DSCAM: variants seen among roughly 807,000 people sequenced by gnomAD.
DSCAM encodes the protein cell adhesion molecule DSCAM.
A neutral mutation model predicts 217.7 loss-of-function variants in DSCAM; 47 were observed. The observed-to-expected ratio is 0.22, with a 90% CI of 0.17 to 0.28. The LOEUF is 0.28. Ranked by LOEUF, DSCAM falls within the 10% of genes least tolerant of loss-of-function variation. The pLI, the probability that DSCAM is intolerant of heterozygous loss-of-function variation, is 1.00. For missense variants in DSCAM, 2,080 were observed against 2,618.3 expected (o/e 0.79, Z 4.49); for synonymous variants, 1,056 against 1,015.3 (o/e 1.04, Z -0.76).
intron 1 of DSCAM, among the ~76,000 whole-genome samples, chr21:40,782,543 T>C (rs73224258): frequency 0.027 from 4,170 of 152,090 alleles, 84 homozygotes; most frequent in Middle Eastern, 0.051. Flanking sequence ...GTCTGGGCAA[T>C]GCGGTGAAGT....
chr21:40,377,882 T>A (rs1243269444), intron 3 of DSCAM, among the ~76,000 whole-genome samples: 1 of 152,182 alleles, frequency 6.6e-6, no homozygotes, highest in Non-Finnish European at 1.5e-5. Flanking sequence ...CTTGAGTACA[T>A]ATACAACCTG....
At chr21:40,537,861 T>C (rs1209491105) in intron 3 of DSCAM, among the ~76,000 whole-genome samples, 1 of 152,168 alleles carries the variant, frequency 6.6e-6, no homozygotes, top group Non-Finnish European at 1.5e-5. Context: ...TGGCTGTACT[T>C]CCTTACAGCA....
intron 3 of DSCAM, among the ~76,000 whole-genome samples, chr21:40,645,478 A>G (rs758827657): frequency 1.3e-5 from 2 of 152,214 alleles, no homozygotes; most frequent in African/African-American, 2.4e-5. Context: ...GAACTGATCC[A>G]TATTTGTGGA....
chr21:40,017,947 T>C (rs2088194029), intron 32 of DSCAM, among the ~76,000 whole-genome samples: 1 of 152,248 alleles, frequency 6.6e-6, no homozygotes, highest in Non-Finnish European at 1.5e-5. Flanking sequence ...TAGAAAAATA[T>C]AATGGCATGA....
At chr21:40,616,436 G>A (rs1223004662) in intron 3 of DSCAM, among the ~76,000 whole-genome samples, 1 of 152,146 alleles carries the variant, frequency 6.6e-6, no homozygotes, top group Non-Finnish European at 1.5e-5. Context: ...CTGGAAATAG[G>A]TGCCTGTGTG....
At chr21:40,471,723 G>C (rs1207300648) in intron 3 of DSCAM, among the ~76,000 whole-genome samples, 2 of 152,134 alleles carry the variant, frequency 1.3e-5, no homozygotes, top group East Asian at 3.9e-4. Context: ...ACTTAGGAGT[G>C]ATCTGCTCTA....
chr21:40,698,298 T>C (rs1240516681), intron 2 of DSCAM, among the ~76,000 whole-genome samples: 1 of 152,156 alleles, frequency 6.6e-6, no homozygotes, highest in Non-Finnish European at 1.5e-5. Flanking sequence ...CTCATGCACC[T>C]AGAAGGTCAC....
rs551775818 is a variant in DSCAM, at chr21:40,735,410, C to A, written c.44-26639G>T. 2.0e-5 allele frequency among the ~76,000 whole-genome samples: 3 copies of A among 152,324 alleles called. No individual in the cohort carries two copies. The South Asian group carries it at 6.2e-4, about 32-fold the overall frequency. On this transcript the variant is annotated intron_variant, in intron 1 of 32. Coordinates refer to ENST00000400454, the MANE Select transcript of DSCAM (RefSeq NM_001389.5). ...GTGTTTAAAACACACTTGCTTTCAT[C>A]TGAAATGAGTGTGTGCATGTTTTAG...
At chr21:40,386,613 T>C (rs2075088310) in intron 3 of DSCAM, among the ~76,000 whole-genome samples, 1 of 152,230 alleles carries the variant, frequency 6.6e-6, no homozygotes, top group African/African-American at 2.4e-5. Flanking sequence ...CCCGTGGATC[T>C]GGCACCACCT....
Position 40,332,387 on chromosome 21 carries a change from T to C in DSCAM, c.1783+5714A>G, listed in dbSNP as rs541290417. 1.4e-4 allele frequency among the ~76,000 whole-genome samples: 21 copies of C among 152,344 alleles called. No individual in the cohort carries two copies. The South Asian group carries it at 4.1e-3, about 30-fold the overall frequency. ...ACTGTGCGCAGCCTCATCTCTCTTC[T>C]ATTCTTTCCCTGATTATGCTTTATC... is the stretch of plus-strand genomic sequence containing the variant. On this transcript the variant is annotated intron_variant, in intron 8 of 32. Coordinates refer to ENST00000400454, the MANE Select transcript of DSCAM (RefSeq NM_001389.5).
intron 3 of DSCAM, among the ~76,000 whole-genome samples, chr21:40,668,474 T>C (rs1568973578): frequency 2.0e-5 from 3 of 152,146 alleles, no homozygotes; most frequent in Non-Finnish European, 2.9e-5. Context: ...TTTGTAAAAA[T>C]CCACCCAGGG....
At chr21:40,679,457 C>T (rs1023996853) in intron 3 of DSCAM, among the ~76,000 whole-genome samples, 65 of 152,208 alleles carry the variant, frequency 4.3e-4, no homozygotes, top group African/African-American at 1.4e-3. Context: ...GAAGCTCTCT[C>T]TGCCTCAGCC....
chr21:40,444,491 T>C (rs759768875), intron 3 of DSCAM, among the ~76,000 whole-genome samples: 2 of 152,194 alleles, frequency 1.3e-5, no homozygotes, highest in Non-Finnish European at 2.9e-5. Context: ...CGGTTGAGCA[T>C]AGCCAATATC....
intron 3 of DSCAM, among the ~76,000 whole-genome samples, chr21:40,397,269 G>A (rs1164250212): frequency 6.6e-6 from 1 of 152,104 alleles, no homozygotes; most frequent in Non-Finnish European, 1.5e-5. Flanking sequence ...CTGGTGGGAG[G>A]TGATTGGATC....
chr21:40,244,393 G>A (rs1246428831), intron 11 of DSCAM, among the ~76,000 whole-genome samples: 1 of 150,934 alleles, frequency 6.6e-6, no homozygotes, highest in Non-Finnish European at 1.5e-5. Flanking sequence ...GGAGGTTTCA[G>A]TGAGCCCAGA....
chr21:40,115,430 G>A (rs2089958704), intron 20 of DSCAM, among the ~76,000 whole-genome samples: 2 of 152,122 alleles, frequency 1.3e-5, no homozygotes, highest in Admixed American at 1.3e-4. Flanking sequence ...GCGGGGACGG[G>A]GGAGGAATAG....
chr21:40,110,394 T>C (rs1219756053), intron 20 of DSCAM, among the ~76,000 whole-genome samples: 1 of 152,064 alleles, frequency 6.6e-6, no homozygotes, highest in Non-Finnish European at 1.5e-5. Flanking sequence ...AGAAAGGACA[T>C]CCACACCAAA....
intron 27 of DSCAM, 82 bp downstream of exon 27, chr21:40,074,955 T>C: frequency 6.9e-7 from 1 of 1,452,392 alleles, no homozygotes; most frequent in South Asian, 1.3e-5. Context: ...CCTTTTGAGG[T>C]TTGTTCTCCA....
At chr21:40,467,994 C>T (rs374914815) in intron 3 of DSCAM, among the ~76,000 whole-genome samples, 7 of 150,336 alleles carry the variant, frequency 4.7e-5, no homozygotes, top group African/African-American at 9.8e-5. Context: ...AAATTCCTTG[C>T]GGGCCCCAAG....
Sources: gnomAD v4.1 joint callset for allele counts (sites outside exome capture counted in the v4.1 genomes callset) on GRCh38, gnomAD v4.1.1 for gene constraint, MANE v1.5 for transcripts, NCBI Gene and HGNC (gene_info 2026-07-23, HGNC 2026-07-21) for gene names.